PTCHD4: variants seen among roughly 807,000 people sequenced by gnomAD.
The protein encoded by PTCHD4 is patched domain containing 4, also known as patched domain-containing protein 4.
In PTCHD4, 33 loss-of-function variants were observed where a neutral mutation model predicts 58.1. The observed-to-expected ratio is 0.57, with a 90% CI of 0.43 to 0.76. The LOEUF (loss-of-function observed/expected upper bound fraction) is 0.76. Among genes scored for constraint, PTCHD4 ranks in the 30% least tolerant of loss-of-function variants. The pLI, the probability that PTCHD4 is intolerant of heterozygous loss-of-function variation, is 0.00. For missense variants in PTCHD4, 1,058 were observed against 1,027.1 expected, an observed-to-expected ratio of 1.03 and a Z score of -0.41; for synonymous variants, 478 against 409.6, an observed-to-expected ratio of 1.17 and a Z score of -2.02.
At chr6:48,015,826 G>A (rs1762848376) in intron 3 of PTCHD4, among the ~76,000 whole-genome samples, 1 of 151,830 alleles carries the variant, frequency 6.6e-6, no homozygotes, top group South Asian at 2.1e-4. Context: ...CTTGTGCCTA[G>A]AAAAAGCCTG....
intron 4 of PTCHD4, among the ~76,000 whole-genome samples, chr6:47,894,050 G>A (rs1353377280): frequency 6.6e-6 from 1 of 152,192 alleles, no homozygotes; most frequent in African/African-American, 2.4e-5. Context: ...CACTCAGGAG[G>A]AGAACACGGT....
At chr6:47,969,023 A>C (rs1448737543) in intron 4 of PTCHD4, among the ~76,000 whole-genome samples, 1 of 152,222 alleles carries the variant, frequency 6.6e-6, no homozygotes, top group Non-Finnish European at 1.5e-5. Flanking sequence ...CATAAACTTT[A>C]TAATAATCCA....
chr6:47,949,082 T>C lies in PTCHD4; in HGVS notation c.898+59552A>G, dbSNP rs182271169. 2.6e-3 allele frequency among the ~76,000 whole-genome samples: 396 copies of C among 152,304 alleles called. 2 individuals carry two copies. Among genetic ancestry groups the C allele is most frequent in the African/African-American group, 9.2e-3 (384 of 41,574 alleles). Reference sequence around the variant, plus strand: ...ACTAAACAATCATATAAATGCATATTTCTTAGATCACGAAGAGGATATGAA... The same window carrying C: ...ACTAAACAATCATATAAATGCATATCTCTTAGATCACGAAGAGGATATGAA... On this transcript the variant is annotated intron_variant, in intron 4 of 4. Transcript: ENST00000339488.
chr6:47,916,579 A>G (rs886068831), intron 4 of PTCHD4, among the ~76,000 whole-genome samples: 1 of 152,064 alleles, frequency 6.6e-6, no homozygotes, highest in African/African-American at 2.4e-5. Context: ...GGGCAGAAGT[A>G]GGCAGCCTTG....
intron 4 of PTCHD4, among the ~76,000 whole-genome samples, chr6:47,884,208 C>A (rs895150770): frequency 6.6e-6 from 1 of 151,998 alleles, no homozygotes; most frequent in African/African-American, 2.4e-5. Flanking sequence ...TTGCTACCAA[C>A]CAAAAATTAG....
At chr6:48,014,898 C>T (rs1048140315) in intron 3 of PTCHD4, among the ~76,000 whole-genome samples, 7 of 152,004 alleles carry the variant, frequency 4.6e-5, no homozygotes, top group African/African-American at 1.7e-4. Context: ...CCTAGGGGAG[C>T]GATTTCAGGG....
chr6:48,008,175 A>G (rs779312293), intron 4 of PTCHD4, among the ~76,000 whole-genome samples: 7 of 152,214 alleles, frequency 4.6e-5, no homozygotes, highest in Non-Finnish European at 8.8e-5. Context: ...AAATAAATTA[A>G]TAAACAAAGC....
At chr6:48,100,855 A>T (rs1166904411) in intron 1 of PTCHD4, among the ~76,000 whole-genome samples, 1 of 152,162 alleles carries the variant, frequency 6.6e-6, no homozygotes, top group Non-Finnish European at 1.5e-5. Context: ...CCTGACCAAA[A>T]CCTCAAGAGA....
chr6:48,035,097 A>T (rs766983542), intron 3 of PTCHD4, among the ~76,000 whole-genome samples: 1 of 152,142 alleles, frequency 6.6e-6, no homozygotes, highest in Non-Finnish European at 1.5e-5. Context: ...CGCTGAAATT[A>T]TATTTTCCCC....
In PTCHD4 at chr6:47,862,513, A is replaced by C. The variant is rs1333052345; in HGVS notation, c.*15790T>G. On this transcript the variant is annotated 3_prime_UTR_variant, in exon 5 of 5. Coordinates refer to ENST00000339488, the MANE Select transcript of PTCHD4 (RefSeq NM_001384253.1). Reference sequence around the variant, plus strand: ...TGTTTATTTATTTGGTTTCCTGGCCATTTGTCAATTTTTTTCTTCATATTT... The same window carrying C: ...TGTTTATTTATTTGGTTTCCTGGCCCTTTGTCAATTTTTTTCTTCATATTT... 6.6e-6 allele frequency among the ~76,000 whole-genome samples: 1 copy of C among 151,596 alleles called. No homozygotes were observed. The highest frequency in any genetic ancestry group is 1.5e-5 in the Non-Finnish European group (1 of 67,774).
intron 4 of PTCHD4, among the ~76,000 whole-genome samples, chr6:47,990,989 A>G (rs1276040068): frequency 6.6e-6 from 1 of 152,230 alleles, no homozygotes; most frequent in Non-Finnish European, 1.5e-5. Flanking sequence ...ACAATGTAGC[A>G]CAGAGACAAG....
intron 3 of PTCHD4, among the ~76,000 whole-genome samples, chr6:48,011,793 C>T (rs1386353596): frequency 2.0e-5 from 3 of 152,158 alleles, no homozygotes; most frequent in Admixed American, 6.5e-5. Context: ...CTGCATATGG[C>T]TAGCCAGTTT....
At chr6:47,916,630 C>T (rs577695122) in intron 4 of PTCHD4, among the ~76,000 whole-genome samples, 9 of 151,902 alleles carry the variant, frequency 5.9e-5, no homozygotes, top group African/African-American at 1.9e-4. Context: ...CTTTCTGAAC[C>T]CCCAGTTCAG....
At chr6:47,937,228 A>G (rs1427503039) in intron 4 of PTCHD4, among the ~76,000 whole-genome samples, 1 of 152,214 alleles carries the variant, frequency 6.6e-6, no homozygotes, top group Admixed American at 6.5e-5. Context: ...CTGCTTTTCA[A>G]TAATAAACTG....
chr6:48,015,373 C>A lies in PTCHD4; in HGVS notation c.418-6259G>T, dbSNP rs140642083. On this transcript the variant is annotated intron_variant, in intron 3 of 4. Coordinates refer to ENST00000339488, the MANE Select transcript of PTCHD4 (RefSeq NM_001384253.1). The stretch of plus-strand genomic sequence containing the variant: ...CTGGTTTCCACTTGCAATAGGAATA[C>A]AACAGATGCCTCTTGCCAGGCTTCA... Among the ~76,000 whole-genome samples the A allele has an allele frequency of 8.2e-4, 125 of 152,082 alleles. 1 individual carries two copies. Among genetic ancestry groups the A allele is most frequent in the Middle Eastern group, 3.4e-3 (1 of 294 alleles).
chr6:47,986,859 A>G (rs776838070), intron 4 of PTCHD4, among the ~76,000 whole-genome samples: 19 of 152,126 alleles, frequency 1.2e-4, no homozygotes, highest in Non-Finnish European at 2.1e-4. Flanking sequence ...CAACATTCCA[A>G]TCATGGGTAT....
At chr6:47,941,562 G>C (rs1407509498) in intron 4 of PTCHD4, among the ~76,000 whole-genome samples, 1 of 152,170 alleles carries the variant, frequency 6.6e-6, no homozygotes, top group African/African-American at 2.4e-5. Context: ...ACTATTAGGA[G>C]GCAGAGCCAT....
intron 1 of PTCHD4, among the ~76,000 whole-genome samples, chr6:48,107,694 C>A (rs1022983434): frequency 6.6e-6 from 1 of 152,030 alleles, no homozygotes; most frequent in Non-Finnish European, 1.5e-5. Context: ...TTTTTGCAAC[C>A]TACTCATCTG....
At chr6:47,999,971 T>A (rs1768656161) in intron 4 of PTCHD4, among the ~76,000 whole-genome samples, 1 of 152,202 alleles carries the variant, frequency 6.6e-6, no homozygotes, top group East Asian at 1.9e-4. Flanking sequence ...CATCTGTGTT[T>A]TCTATACTCC....
Sources: allele counts gnomAD v4.1 joint callset (sites outside exome capture counted in the v4.1 genomes callset), GRCh38; gene constraint gnomAD v4.1.1; transcripts MANE v1.5; gene names NCBI Gene and HGNC (gene_info 2026-07-23, HGNC 2026-07-21).